The following CAP2 variants were observed in gnomAD, a reference collection of about 807,000 sequenced individuals.
CAP2 encodes adenylyl cyclase-associated protein 2.
In CAP2, 24 loss-of-function variants were observed where a neutral mutation model predicts 57.7. The observed-to-expected ratio is 0.42, with a 90% CI of 0.30 to 0.58. CAP2 has a LOEUF of 0.58. CAP2 is among the 20% of genes least tolerant of loss of function. The pLI is 0.22. For missense variants in CAP2, 501 were observed against 590.3 expected (o/e 0.85, Z 1.57); for synonymous variants, 194 against 207.2 (o/e 0.94, Z 0.55).
chr6:17,451,092 G>C (rs1760390083), intron 3 of CAP2, among the ~76,000 whole-genome samples: 1 of 152,242 alleles, frequency 6.6e-6, no homozygotes, highest in African/African-American at 2.4e-5. Context: ...CAGAAAGGCA[G>C]CTGTGGCTGA....
intron 4 of CAP2, among the ~76,000 whole-genome samples, chr6:17,506,244 G>C (rs1033697648): frequency 2.0e-5 from 3 of 152,266 alleles, no homozygotes; most frequent in African/African-American, 7.2e-5. Context: ...TGGAGAAGTC[G>C]GTTGCTGAAT....
intron 7 of CAP2, among the ~76,000 whole-genome samples, chr6:17,532,161 G>A (rs1207953591): frequency 9.3e-6 from 1 of 107,012 alleles, no homozygotes; most frequent in Non-Finnish European, 1.8e-5. Context: ...TTTTTTTGGA[G>A]GCAGAGTCTC....
chr6:17,492,233 G>T (rs1435091664), intron 4 of CAP2, among the ~76,000 whole-genome samples: 2 of 152,160 alleles, frequency 1.3e-5, no homozygotes, highest in African/African-American at 4.8e-5. Context: ...CCAACTTCTT[G>T]TGATGTTTGC....
chr6:17,399,677 A>C (rs562807887), intron 1 of CAP2, among the ~76,000 whole-genome samples: 9 of 152,308 alleles, frequency 5.9e-5, no homozygotes, highest in African/African-American at 1.7e-4. Context: ...TTAAAATTTC[A>C]CATTTACCTG....
intron 4 of CAP2, among the ~76,000 whole-genome samples, chr6:17,467,080 T>A (rs1194892565): frequency 6.6e-6 from 1 of 152,162 alleles, no homozygotes; most frequent in Non-Finnish European, 1.5e-5. Context: ...AGGGAGTCCC[T>A]TGGATCCTGC....
chr6:17,494,964 C>T (rs531242870), intron 4 of CAP2, among the ~76,000 whole-genome samples: 22 of 152,230 alleles, frequency 1.4e-4, no homozygotes, highest in African/African-American at 4.8e-4. Flanking sequence ...CCTTTGGACT[C>T]GAATTGAAAG....
chr6:17,476,230 T>C (rs9477449), intron 4 of CAP2, among the ~76,000 whole-genome samples: 18,944 of 152,196 alleles, frequency 0.12, 3,770 homozygotes, highest in African/African-American at 0.42. Flanking sequence ...ATACAGTGTT[T>C]ACGTTGATTA....
chr6:17,480,789 T>C (rs1463820329), intron 4 of CAP2, among the ~76,000 whole-genome samples: 47 of 150,972 alleles, frequency 3.1e-4, no homozygotes, highest in African/African-American at 1.1e-3. Context: ...TTTTTTTTTT[T>C]TTTGAGACAG....
chr6:17,534,761 A>G (rs1412393472), intron 7 of CAP2, among the ~76,000 whole-genome samples: 1 of 152,192 alleles, frequency 6.6e-6, no homozygotes, highest in African/African-American at 2.4e-5. Flanking sequence ...CATCCAGTCT[A>G]GACAACCTGG....
chr6:17,455,905 G>T (rs1760555087), intron 3 of CAP2, among the ~76,000 whole-genome samples: 1 of 152,072 alleles, frequency 6.6e-6, no homozygotes. Context: ...TGTGCCCCTC[G>T]GTTGAATTCT....
intron 3 of CAP2, among the ~76,000 whole-genome samples, chr6:17,436,270 C>T (rs566131087): frequency 1.3e-5 from 2 of 152,020 alleles, no homozygotes; most frequent in South Asian, 2.1e-4. Context: ...ATTATAGGTG[C>T]GTGCCACCCT....
At chr6:17,537,836 C>A (rs1013008791) in intron 7 of CAP2, among the ~76,000 whole-genome samples, 1 of 151,976 alleles carries the variant, frequency 6.6e-6, no homozygotes, top group African/African-American at 2.4e-5. Context: ...GAGGCTGAGG[C>A]GGGTGGATAA....
intron 4 of CAP2, among the ~76,000 whole-genome samples, chr6:17,474,185 C>CTTTTTTTTTTT (rs544909381): frequency 6.0e-4 from 56 of 93,198 alleles, no homozygotes; most frequent in East Asian, 7.2e-4. Context: ...AAAAAACAGT[C>CTTTTTTTTTTT]TTTTTTTTTT....
At chr6:17,473,929 A>G (rs188204831) in intron 4 of CAP2, among the ~76,000 whole-genome samples, 1 of 152,354 alleles carries the variant, frequency 6.6e-6, no homozygotes, top group East Asian at 1.9e-4. Context: ...TACTAAAACT[A>G]CAAATAATCT....
chr6:17,554,199 C>T (rs910290504), intron 12 of CAP2, among the ~76,000 whole-genome samples: 6 of 152,088 alleles, frequency 3.9e-5, no homozygotes, highest in Non-Finnish European at 8.8e-5. Flanking sequence ...CTCGACCCCC[C>T]GGGCTCAATC....
At chr6:17,405,914 AG>A (rs1373874903) in intron 1 of CAP2, among the ~76,000 whole-genome samples, 1 of 151,726 alleles carries the variant, frequency 6.6e-6, no homozygotes, top group Non-Finnish European at 1.5e-5. Context: ...CTAATTTTTA[AG>A]TTTTTTGTAG....
intron 4 of CAP2, among the ~76,000 whole-genome samples, chr6:17,474,185 C>CTTTTTTTTTTTTT (rs544909381): frequency 8.3e-4 from 77 of 93,200 alleles, no homozygotes; most frequent in Non-Finnish European, 9.7e-4. Context: ...AAAAAACAGT[C>CTTTTTTTTTTTTT]TTTTTTTTTT....
At position 17,405,498 on chromosome 6, in the gene CAP2, GTCTCTCTCTC is replaced by G. The variant is rs57158664; in HGVS notation, c.-2+11775_-2+11784del. On this transcript the variant is annotated intron_variant, in intron 1 of 12. Coordinates refer to ENST00000229922, the MANE Select transcript of CAP2 (RefSeq NM_006366.3). Reference sequence around the variant, plus strand: ...ATAATAAAGGTTATGTGAATGTGGAGTCTCTCTCTCTCTCTCTCTCTCTCTCTCTCTCAAA... The same window carrying G: ...ATAATAAAGGTTATGTGAATGTGGAGTCTCTCTCTCTCTCTCTCTCTCAAA... 8.2e-4 allele frequency among the ~76,000 whole-genome samples: 122 copies of G among 148,460 alleles called. 1 individual carries two copies. Among genetic ancestry groups the G allele is most frequent in the Admixed American group, 3.8e-3 (57 of 14,814 alleles).
chr6:17,515,462 G>A (rs1168259364), intron 7 of CAP2, among the ~76,000 whole-genome samples: 2 of 152,128 alleles, frequency 1.3e-5, no homozygotes, highest in East Asian at 3.9e-4. Flanking sequence ...GCTAGAGATA[G>A]GATGGAGGGA....
Sources: gnomAD v4.1 joint callset for allele counts (sites outside exome capture counted in the v4.1 genomes callset) on GRCh38, gnomAD v4.1.1 for gene constraint, MANE v1.5 for transcripts, NCBI Gene and HGNC (gene_info 2026-07-23, HGNC 2026-07-21) for gene names.